Variants in PRIM2 observed in about 807,000 individuals in gnomAD.
PRIM2 encodes the protein DNA primase subunit 2, also known as DNA primase large subunit.
PRIM2 carries 39 observed loss-of-function variants against 67.3 expected under a neutral mutation model. The ratio of observed to expected loss-of-function variants is 0.58; its 90% confidence interval spans 0.45 to 0.76. The LOEUF (loss-of-function observed/expected upper bound fraction) is 0.76. Ranked by LOEUF, PRIM2 falls within the 30% of genes least tolerant of loss-of-function variation. The probability of loss-of-function intolerance (pLI) is 0.00; values close to 1 mark genes in which losing one functional copy is unlikely to be tolerated. For synonymous variants in PRIM2, 143 were observed against 198.7 expected, an observed-to-expected ratio of 0.72 and a Z score of 2.36; for missense variants, 398 against 598.7, an observed-to-expected ratio of 0.66 and a Z score of 3.50.
the PRIM2 span, among the ~76,000 whole-genome samples, chr6:57,301,350 G>T: frequency 6.6e-6 from 1 of 152,048 alleles, no homozygotes; most frequent in Non-Finnish European, 1.5e-5. Context: ...AGCTGGGCGT[G>T]GTGGCCCATG....
chr6:57,472,158 G>A (rs1773349757), intron 7 of PRIM2, among the ~76,000 whole-genome samples: 1 of 151,980 alleles, frequency 6.6e-6, no homozygotes, highest in Admixed American at 6.6e-5. Flanking sequence ...GGCTGGGCGC[G>A]GTGGCTCACG....
At chr6:57,245,255 C>T in the PRIM2 span, among the ~76,000 whole-genome samples, 1 of 152,124 alleles carries the variant, frequency 6.6e-6, no homozygotes, top group Non-Finnish European at 1.5e-5. Flanking sequence ...GTTGAGCATG[C>T]TCCATCGTCC....
intron 10 of PRIM2, among the ~76,000 whole-genome samples, chr6:57,567,278 T>G (rs1175325365): frequency 6.6e-6 from 1 of 152,218 alleles, no homozygotes; most frequent in East Asian, 1.9e-4. Flanking sequence ...TGGCTTGACT[T>G]AAAATTTTTT....
intron 8 of PRIM2, among the ~76,000 whole-genome samples, chr6:57,523,012 T>C (rs1774657852): frequency 1.3e-5 from 2 of 152,198 alleles, no homozygotes; most frequent in Admixed American, 1.3e-4. Context: ...AAACATTTTA[T>C]GTGATAGTAT....
intron 11 of PRIM2, among the ~76,000 whole-genome samples, chr6:57,603,258 T>G (rs1339486023): frequency 3.3e-5 from 5 of 152,250 alleles, no homozygotes; most frequent in African/African-American, 1.2e-4. Flanking sequence ...TTCAGAAGTT[T>G]CTGTTTGTCA....
intron 7 of PRIM2, among the ~76,000 whole-genome samples, chr6:57,445,571 C>A (rs913041793): frequency 6.6e-6 from 1 of 152,152 alleles, no homozygotes; most frequent in African/African-American, 2.4e-5. Flanking sequence ...CCTGTGCACA[C>A]CCCCAACCCT....
At chr6:57,237,128 C>G in the PRIM2 span, among the ~76,000 whole-genome samples, 16 of 151,704 alleles carry the variant, frequency 1.1e-4, no homozygotes, top group Non-Finnish European at 2.1e-4. Flanking sequence ...GAGATAGTAT[C>G]TCATTGTGGT....
Position 57,344,400 on chromosome 6 carries a change from T to C in PRIM2, c.459+18355T>C, listed in dbSNP as rs565202839. Among the ~76,000 whole-genome samples, 541 of 152,072 alleles carry C rather than the reference T, an allele frequency of 3.6e-3. 4 individuals carry two copies. Among genetic ancestry groups the C allele is most frequent in the African/African-American group, 0.013 (522 of 41,482 alleles). ...TTATATATGAAATGAGCTTTTCTATTGAGCTAGATTTGAGGGATTATGCTG... is the reference window on the plus strand; with the variant it reads ...TTATATATGAAATGAGCTTTTCTATCGAGCTAGATTTGAGGGATTATGCTG... On this transcript the variant is annotated intron_variant, in intron 5 of 13. Transcript: ENST00000615550.
chr6:57,443,234 CTA>C (rs1300360745), intron 7 of PRIM2, among the ~76,000 whole-genome samples: 1 of 152,124 alleles, frequency 6.6e-6, no homozygotes, highest in Non-Finnish European at 1.5e-5. Context: ...CCTCCTCAGC[CTA>C]CTGATTTCAA....
chr6:57,252,693 G>A, the PRIM2 span, among the ~76,000 whole-genome samples: 2 of 152,134 alleles, frequency 1.3e-5, no homozygotes, highest in South Asian at 2.1e-4. Flanking sequence ...TGCCTGCCTC[G>A]GCCTCCCAAA....
At chr6:57,328,281 C>T (rs1244611514) in intron 5 of PRIM2, among the ~76,000 whole-genome samples, 1 of 152,182 alleles carries the variant, frequency 6.6e-6, no homozygotes, top group Non-Finnish European at 1.5e-5. Context: ...ATTGTGCAAT[C>T]AACACTACTA....
At chr6:57,643,871 A>G (rs1427736129) in intron 13 of PRIM2, among the ~76,000 whole-genome samples, 9 of 152,218 alleles carry the variant, frequency 5.9e-5, no homozygotes, top group Non-Finnish European at 1.2e-4. Context: ...AATTAGCCTA[A>G]CATGTATTAA....
At chr6:57,350,958 T>G (rs531575604) in intron 5 of PRIM2, among the ~76,000 whole-genome samples, 97 of 150,704 alleles carry the variant, frequency 6.4e-4, no homozygotes, top group Middle Eastern at 3.4e-3. Flanking sequence ...TGGGAAAGAG[T>G]GGAAGATGAG....
At chr6:57,466,336 C>G (rs1370236089) in intron 7 of PRIM2, among the ~76,000 whole-genome samples, 35 of 152,252 alleles carry the variant, frequency 2.3e-4, no homozygotes, top group Admixed American at 4.6e-4. Context: ...GGTATATACC[C>G]AGTAATGGGA....
intron 7 of PRIM2, among the ~76,000 whole-genome samples, chr6:57,467,761 A>G (rs1378602134): frequency 4.1e-4 from 48 of 118,024 alleles, no homozygotes; most frequent in African/African-American, 1.5e-3. Flanking sequence ...ATTCATGAGC[A>G]TGGAATGTTT....
chr6:57,300,681 T>C, the PRIM2 span, among the ~76,000 whole-genome samples: 2 of 152,170 alleles, frequency 1.3e-5, no homozygotes, highest in Non-Finnish European at 2.9e-5. Flanking sequence ...AGTTTAAACT[T>C]GGGTTGCTAT....
At position 57,529,936 on chromosome 6, in the gene PRIM2, A is replaced by G. The variant is rs1348458283; in HGVS notation, c.762-2475A>G. Among the ~76,000 whole-genome samples, 203 of 152,126 alleles carry G rather than the reference A, an allele frequency of 1.3e-3. 5 individuals are homozygous for G. The East Asian group carries it at 0.017, about 13-fold the overall frequency. The stretch of plus-strand genomic sequence containing the variant: ...TCTTGCTGGTGGGGACTCTCTGAAG[A>G]GTCTTGAGGTGGTGTAGGGTATCAC... On this transcript the variant is annotated intron_variant, in intron 8 of 13. Coordinates refer to ENST00000615550, the MANE Select transcript of PRIM2 (RefSeq NM_000947.5).
At chr6:57,582,442 T>C (rs1776105719) in intron 10 of PRIM2, among the ~76,000 whole-genome samples, 1 of 152,190 alleles carries the variant, frequency 6.6e-6, no homozygotes, top group Admixed American at 6.5e-5. Flanking sequence ...AACTGGCCAT[T>C]TGAAAGCATA....
At chr6:57,343,895 G>A (rs543539464) in intron 5 of PRIM2, among the ~76,000 whole-genome samples, 2 of 152,296 alleles carry the variant, frequency 1.3e-5, no homozygotes, top group East Asian at 1.9e-4. Flanking sequence ...ATTTGGAGCA[G>A]GGGTCAGGGT....
Sources: allele counts gnomAD v4.1 joint callset (sites outside exome capture counted in the v4.1 genomes callset), GRCh38; gene constraint gnomAD v4.1.1; transcripts MANE v1.5; gene names NCBI Gene and HGNC (gene_info 2026-07-23, HGNC 2026-07-21).